Variants in ESRRG observed in about 807,000 individuals in gnomAD.
The protein encoded by ESRRG is estrogen-related receptor gamma.
In ESRRG, 13 loss-of-function variants were observed where a neutral mutation model predicts 44.0. The observed-to-expected ratio is 0.30, with a 90% CI of 0.19 to 0.47. ESRRG has a LOEUF of 0.47. ESRRG is among the 20% of genes least tolerant of loss of function. The probability of loss-of-function intolerance (pLI) is 1.00; values close to 1 mark genes in which losing one functional copy is unlikely to be tolerated. For missense variants in ESRRG, 395 were observed against 580.6 expected, an observed-to-expected ratio of 0.68 and a Z score of 3.29; for synonymous variants, 215 against 214.6, an observed-to-expected ratio of 1.00 and a Z score of -0.02.
intron 1 of ESRRG, among the ~76,000 whole-genome samples, chr1:216,943,023 A>G (rs2065495464): frequency 2.0e-5 from 3 of 149,084 alleles, no homozygotes; most frequent in South Asian, 2.1e-4. Context: ...ATGCCCAACT[A>G]ATTATTAAGA....
chr1:216,690,781 A>G (rs2078915414), intron 1 of ESRRG, among the ~76,000 whole-genome samples: 1 of 152,136 alleles, frequency 6.6e-6, no homozygotes, highest in Non-Finnish European at 1.5e-5. Context: ...TAGGGAAGTG[A>G]GAGAACTTTA....
At chr1:216,723,213 A>G in intron 1 of ESRRG, 31 bp downstream of exon 1, 1 of 1,392,438 alleles carries the variant, frequency 7.2e-7, no homozygotes. Flanking sequence ...CCCCACGACG[A>G]GTTTAAAAAG....
intron 1 of ESRRG, among the ~76,000 whole-genome samples, chr1:217,113,004 G>T (rs1281572640): frequency 6.6e-6 from 1 of 152,180 alleles, no homozygotes; most frequent in Non-Finnish European, 1.5e-5. Flanking sequence ...AATAGAATAA[G>T]TGCCAATAAG....
intron 2 of ESRRG, among the ~76,000 whole-genome samples, chr1:216,664,301 C>T (rs1453717834): frequency 6.6e-6 from 1 of 151,934 alleles, no homozygotes; most frequent in African/African-American, 2.4e-5. Context: ...TCAAGTTCCA[C>T]ATCTATAATA....
At chr1:216,626,680 C>G (rs1360690898) in intron 3 of ESRRG, among the ~76,000 whole-genome samples, 3 of 152,220 alleles carry the variant, frequency 2.0e-5, no homozygotes, top group African/African-American at 4.8e-5. Flanking sequence ...ACTACCTCCC[C>G]ACTCTGTTCA....
intron 1 of ESRRG, among the ~76,000 whole-genome samples, chr1:216,974,647 G>A (rs1403812547): frequency 6.6e-6 from 1 of 152,144 alleles, no homozygotes; most frequent in Non-Finnish European, 1.5e-5. Context: ...GATATGTTTG[G>A]TCAATGATCT....
At chr1:216,630,445 A>AAC (rs59403765) in intron 3 of ESRRG, among the ~76,000 whole-genome samples, 36,205 of 146,186 alleles carry the variant, frequency 0.25, 4,408 homozygotes, top group African/African-American at 0.29. Context: ...TGTGCGTGTG[A>AAC]ACACACACAC....
In ESRRG at chr1:216,577,856, G is replaced by A. The variant is rs2061980711; in HGVS notation, c.590-9758C>T. 2.0e-5 allele frequency among the ~76,000 whole-genome samples: 3 copies of A among 152,134 alleles called. No individual in the cohort carries two copies. In the South Asian group the frequency reaches 6.2e-4, roughly 31 times the overall value. ...TTTGGTTTCAGCATATGTGAATCTA[G>A]ATCATACGGGCAACCTTGGAAGAGC... is the stretch of plus-strand genomic sequence containing the variant. On this transcript the variant is annotated intron_variant, in intron 3 of 6. Transcript: ENST00000408911.
Position 216,905,229 on chromosome 1 carries a change from C to A in ESRRG, c.-14+34353G>T, listed in dbSNP as rs111759218. On this transcript the variant is annotated intron_variant, in intron 2 of 7. Coordinates refer to the ESRRG transcript ENST00000359162. ...TTACTGGGGGCGACAAGGCTGAATG[C>A]AATCGGGTCTCAGCTTACCTGCCAG... Among the ~76,000 whole-genome samples the A allele has an allele frequency of 5.2e-3, 793 of 152,280 alleles. 4 individuals are homozygous for A. Among genetic ancestry groups the A allele is most frequent in the African/African-American group, 0.018 (745 of 41,554 alleles).
intron 2 of ESRRG, among the ~76,000 whole-genome samples, chr1:216,807,932 G>A (rs1387725952): frequency 6.6e-6 from 1 of 152,152 alleles, no homozygotes; most frequent in Non-Finnish European, 1.5e-5. Context: ...CTTAGTATGT[G>A]AGGTAGCTAA....
intron 6 of ESRRG, among the ~76,000 whole-genome samples, chr1:216,511,280 A>C (rs1189303764): frequency 6.6e-6 from 1 of 152,168 alleles, no homozygotes; most frequent in Non-Finnish European, 1.5e-5. Flanking sequence ...TGTATCTTTA[A>C]ATTTCCATAT....
chr1:216,720,942 T>C (rs537304854), intron 1 of ESRRG, among the ~76,000 whole-genome samples: 49 of 152,310 alleles, frequency 3.2e-4, no homozygotes, highest in African/African-American at 1.1e-3. Context: ...TTAAGTCCGC[T>C]CTATAATCCT....
chr1:217,011,572 A>G (rs954678060), intron 1 of ESRRG, among the ~76,000 whole-genome samples: 2 of 150,930 alleles, frequency 1.3e-5, no homozygotes, highest in East Asian at 4.1e-4. Flanking sequence ...CCAAGGAAAT[A>G]AAAAAAACTT....
intron 3 of ESRRG, among the ~76,000 whole-genome samples, chr1:216,581,966 G>A (rs1056203032): frequency 2.6e-5 from 4 of 152,206 alleles, no homozygotes; most frequent in African/African-American, 9.6e-5. Flanking sequence ...GAAATTTCTT[G>A]ATAGAAGTCA....
chr1:216,779,259 ATAAATATATAT>A (rs1248937116), intron 2 of ESRRG, among the ~76,000 whole-genome samples: 3 of 73,282 alleles, frequency 4.1e-5, no homozygotes, highest in Admixed American at 2.5e-4. Flanking sequence ...ATTTATAAAT[ATAAATATATAT>A]TTATATTTAT....
chr1:216,795,465 C>T (rs113266297), intron 2 of ESRRG, among the ~76,000 whole-genome samples: 5,361 of 150,554 alleles, frequency 0.036, 332 homozygotes, highest in African/African-American at 0.12. Context: ...CTCAGCCTCC[C>T]GAGTAACTGG....
chr1:216,690,983 G>A (rs2078955147), intron 1 of ESRRG, among the ~76,000 whole-genome samples: 2 of 152,114 alleles, frequency 1.3e-5, no homozygotes, highest in Admixed American at 1.3e-4. Flanking sequence ...ATGCATTTAT[G>A]TGTATATTTT....
intron 1 of ESRRG, among the ~76,000 whole-genome samples, chr1:217,065,070 T>C (rs972518860): frequency 6.6e-6 from 1 of 152,216 alleles, no homozygotes; most frequent in Admixed American, 6.5e-5. Flanking sequence ...AGCCCTGTTA[T>C]ATTAAGAAAA....
intron 1 of ESRRG, among the ~76,000 whole-genome samples, chr1:217,040,812 T>C (rs916226662): frequency 5.3e-5 from 8 of 152,154 alleles, no homozygotes; most frequent in Non-Finnish European, 1.2e-4. Context: ...CTCTTTGTAC[T>C]TATGCTAGCT....
Sources: gnomAD v4.1 joint callset for allele counts (sites outside exome capture counted in the v4.1 genomes callset) on GRCh38, gnomAD v4.1.1 for gene constraint, MANE v1.5 for transcripts, NCBI Gene and HGNC (gene_info 2026-07-23, HGNC 2026-07-21) for gene names.